Variants in CNTNAP5 observed in about 807,000 individuals in gnomAD.
CNTNAP5 encodes the protein contactin associated protein family member 5.
Under a neutral mutation model 150.2 loss-of-function variants are expected in CNTNAP5, and 72 were observed. That is an observed-to-expected ratio of 0.48 (90% CI 0.40 to 0.58). CNTNAP5 has a LOEUF of 0.58. CNTNAP5 is among the 20% of genes least tolerant of loss of function. The pLI is 0.00. For synonymous variants in CNTNAP5, 672 were observed against 619.8 expected, an observed-to-expected ratio of 1.08 and a Z score of -1.25; for missense variants, 1,636 against 1,626.2, an observed-to-expected ratio of 1.01 and a Z score of -0.10.
intron 19 of CNTNAP5, among the ~76,000 whole-genome samples, chr2:124,802,304 G>T (rs1277802059): frequency 6.6e-6 from 1 of 152,158 alleles, no homozygotes; most frequent in Non-Finnish European, 1.5e-5. Context: ...TCTCTCCCTG[G>T]CAGGGGTTTG....
intron 1 of CNTNAP5, among the ~76,000 whole-genome samples, chr2:124,188,173 T>C (rs1685375534): frequency 6.6e-6 from 1 of 152,092 alleles, no homozygotes; most frequent in Non-Finnish European, 1.5e-5. Context: ...CTTTCCAGGG[T>C]CATTGTGCTT....
Position 124,919,884 on chromosome 2 carries a change from T to TA in CNTNAP5, c.*5597dup, listed in dbSNP as rs1488106758. On this transcript the variant is annotated 3_prime_UTR_variant, in exon 24 of 24. Coordinates refer to ENST00000682447, the MANE Select transcript of CNTNAP5 (RefSeq NM_001367498.1). ...AAATGAAACTGTCAGAAAACTGCCCTAGGTCTATTATCAATCAGAGCCCCT... is the reference window on the plus strand; with the variant it reads ...AAATGAAACTGTCAGAAAACTGCCCTAAGGTCTATTATCAATCAGAGCCCCT... 1.3e-5 allele frequency among the ~76,000 whole-genome samples: 2 copies of TA among 151,954 alleles called. No individual in the cohort carries two copies. Among genetic ancestry groups the TA allele is most frequent in the African/African-American group, 4.8e-5 (2 of 41,388 alleles).
chr2:124,123,573 A>C (rs1683618123), intron 1 of CNTNAP5, among the ~76,000 whole-genome samples: 1 of 152,206 alleles, frequency 6.6e-6, no homozygotes, highest in South Asian at 2.1e-4. Context: ...CCCAACATGG[A>C]GTTTGAGATA....
intron 1 of CNTNAP5, among the ~76,000 whole-genome samples, chr2:124,179,185 C>T (rs1048378298): frequency 1.3e-5 from 2 of 151,928 alleles, no homozygotes; most frequent in Non-Finnish European, 2.9e-5. Context: ...GATATGGAGT[C>T]TTGCTCTGTG....
At chr2:124,158,845 G>A (rs77265649) in intron 1 of CNTNAP5, among the ~76,000 whole-genome samples, 8,166 of 152,232 alleles carry the variant, frequency 0.054, 426 homozygotes, top group East Asian at 0.24. Flanking sequence ...CCTCAAGAGC[G>A]CCTGGCAGGT....
intron 1 of CNTNAP5, among the ~76,000 whole-genome samples, chr2:124,198,078 T>C (rs1685634549): frequency 6.6e-6 from 1 of 152,012 alleles, no homozygotes; most frequent in Non-Finnish European, 1.5e-5. Flanking sequence ...GAAAGAAACC[T>C]TGGTTATTGT....
At chr2:124,673,186 CA>C (rs890050085) in intron 13 of CNTNAP5, among the ~76,000 whole-genome samples, 2 of 152,022 alleles carry the variant, frequency 1.3e-5, no homozygotes, top group Non-Finnish European at 2.9e-5. Context: ...TTACTACTAA[CA>C]ATAACAGTTC....
At chr2:124,233,615 T>C (rs1686676363) in intron 2 of CNTNAP5, among the ~76,000 whole-genome samples, 1 of 152,104 alleles carries the variant, frequency 6.6e-6, no homozygotes, top group South Asian at 2.1e-4. Context: ...TAATCAACCA[T>C]GTCTATAAAT....
At chr2:124,292,378 T>G (rs1169819612) in intron 3 of CNTNAP5, among the ~76,000 whole-genome samples, 1 of 152,146 alleles carries the variant, frequency 6.6e-6, no homozygotes, top group Non-Finnish European at 1.5e-5. Flanking sequence ...TTGAAGATTA[T>G]TCCTACAAAA....
chr2:124,436,126 T>A (rs185238929), intron 5 of CNTNAP5, among the ~76,000 whole-genome samples: 1 of 152,340 alleles, frequency 6.6e-6, no homozygotes, highest in East Asian at 1.9e-4. Context: ...CAGTTACAAG[T>A]GGCTTACATA....
chr2:124,452,205 G>A (rs989482316), intron 6 of CNTNAP5, among the ~76,000 whole-genome samples: 9 of 152,174 alleles, frequency 5.9e-5, no homozygotes, highest in Middle Eastern at 3.4e-3. Flanking sequence ...TGAGGGTGGG[G>A]CACGGTGAGA....
rs1691626191 is a variant in CNTNAP5 at position 124,408,051 on chromosome 2, C to T, written c.382-9392C>T. The stretch of plus-strand genomic sequence containing the variant: ...GCACCGTACGCCAGCCGAAGCAGGG[C>T]GAGGCATTGCCTCACTTGGGAAGCG... On this transcript the variant is annotated intron_variant, in intron 3 of 23. Coordinates refer to ENST00000682447, the MANE Select transcript of CNTNAP5 (RefSeq NM_001367498.1). 2.0e-5 allele frequency among the ~76,000 whole-genome samples: 3 copies of T among 152,284 alleles called. No individual in the cohort carries two copies. In the South Asian group the frequency reaches 6.2e-4, roughly 32 times the overall value.
intron 3 of CNTNAP5, among the ~76,000 whole-genome samples, chr2:124,303,971 C>G (rs969005668): frequency 6.6e-6 from 1 of 152,262 alleles, no homozygotes; most frequent in South Asian, 2.1e-4. Flanking sequence ...TCCAAGGTTA[C>G]AGCAAGCTAT....
chr2:124,754,710 C>T (rs1219028076), intron 14 of CNTNAP5, among the ~76,000 whole-genome samples: 1 of 151,944 alleles, frequency 6.6e-6, no homozygotes, highest in Non-Finnish European at 1.5e-5. Context: ...GTTTTTAAGG[C>T]AGAATCTCAC....
intron 1 of CNTNAP5, among the ~76,000 whole-genome samples, chr2:124,103,707 C>T (rs1683112144): frequency 6.6e-6 from 1 of 151,786 alleles, no homozygotes; most frequent in Admixed American, 6.6e-5. Context: ...CGTGTAAGGA[C>T]ACACTGATGT....
intron 22 of CNTNAP5, among the ~76,000 whole-genome samples, chr2:124,907,694 A>G (rs543793306): frequency 6.6e-6 from 1 of 151,380 alleles, no homozygotes; most frequent in Non-Finnish European, 1.5e-5. Flanking sequence ...AGATAGCTCT[A>G]AAATTGTTAA....
At chr2:124,070,396 GAAAA>G (rs70996039) in intron 1 of CNTNAP5, among the ~76,000 whole-genome samples, 1,339 of 72,966 alleles carry the variant, frequency 0.018, 27 homozygotes, top group African/African-American at 0.072. Flanking sequence ...GCTGAATGGG[GAAAA>G]AAAAAAAAAA....
chr2:124,337,698 A>T (rs1380329355), intron 3 of CNTNAP5, among the ~76,000 whole-genome samples: 2 of 151,990 alleles, frequency 1.3e-5, no homozygotes, highest in Non-Finnish European at 2.9e-5. Context: ...ATGCGGCATT[A>T]TTTCTGAGGG....
chr2:124,365,989 T>C (rs1479843348), intron 3 of CNTNAP5, among the ~76,000 whole-genome samples: 3 of 152,238 alleles, frequency 2.0e-5, no homozygotes, highest in Non-Finnish European at 2.9e-5. Context: ...ACTTTTTTCT[T>C]ATTCAATTGC....
Sources: allele counts gnomAD v4.1 joint callset (sites outside exome capture counted in the v4.1 genomes callset), GRCh38; gene constraint gnomAD v4.1.1; transcripts MANE v1.5; gene names NCBI Gene and HGNC (gene_info 2026-07-23, HGNC 2026-07-21).